Variants in ATP10D observed in about 807,000 individuals in gnomAD.
The protein encoded by ATP10D is phospholipid-transporting ATPase VD.
A neutral mutation model predicts 144.8 loss-of-function variants in ATP10D; 89 were observed. The observed-to-expected ratio is 0.61, with a 90% CI of 0.52 to 0.73. The LOEUF is 0.73. Ranked by LOEUF, ATP10D falls within the 30% of genes least tolerant of loss-of-function variation. The pLI is 0.00. For synonymous variants in ATP10D, 571 were observed against 615.1 expected (o/e 0.93, Z 1.06); for missense variants, 1,603 against 1,714.8 (o/e 0.93, Z 1.15).
chr4:47,566,938 T>C (rs1429158221), intron 15 of ATP10D, among the ~76,000 whole-genome samples: 2 of 152,202 alleles, frequency 1.3e-5, no homozygotes, highest in Non-Finnish European at 2.9e-5. Context: ...CACAGCCTTT[T>C]TTGCTTGGAA....
intron 9 of ATP10D, among the ~76,000 whole-genome samples, chr4:47,537,220 T>A (rs899967463): frequency 7.9e-5 from 12 of 152,170 alleles, no homozygotes; most frequent in Non-Finnish European, 2.9e-5. Context: ...CTATAAATAC[T>A]TTCGAAAAGC....
chr4:47,488,903 G>A (rs1714921803), intron 1 of ATP10D, among the ~76,000 whole-genome samples: 1 of 152,214 alleles, frequency 6.6e-6, no homozygotes, highest in African/African-American at 2.4e-5. Flanking sequence ...GATGCAGTGA[G>A]AAGGTGCCAC....
At chr4:47,533,768 G>C in intron 5 of ATP10D, among the ~76,000 whole-genome samples, 1 of 152,026 alleles carries the variant, frequency 6.6e-6, no homozygotes, top group Non-Finnish European at 1.5e-5. Context: ...AAAGTATAAC[G>C]AACACCCATG....
At chr4:47,535,870 A>G (rs929349693) in intron 6 of ATP10D, 32 bp from the exon 7 acceptor site, 8 of 1,589,718 alleles carry the variant, frequency 5.0e-6, no homozygotes, top group East Asian at 2.2e-5. Flanking sequence ...TTTAATTTGT[A>G]CATTTTCTAT....
chr4:47,562,541 A>G (rs1018063093), intron 14 of ATP10D, among the ~76,000 whole-genome samples: 7 of 152,228 alleles, frequency 4.6e-5, no homozygotes, highest in Admixed American at 2.6e-4. Flanking sequence ...TCAGAAGACA[A>G]CAGATGTTGG....
chr4:47,514,715 G>A (rs1016785476), intron 2 of ATP10D, among the ~76,000 whole-genome samples: 7 of 152,080 alleles, frequency 4.6e-5, no homozygotes, highest in Admixed American at 6.5e-5. Flanking sequence ...TTAGTCACAA[G>A]AGAAAAGAAA....
chr4:47,500,251 G>T (rs370221676), intron 1 of ATP10D, among the ~76,000 whole-genome samples: 6 of 152,142 alleles, frequency 3.9e-5, no homozygotes, highest in African/African-American at 1.4e-4. Flanking sequence ...AAATACCAAA[G>T]TAAATTATGC....
chr4:47,486,149 T>A (rs1714747873), intron 1 of ATP10D, among the ~76,000 whole-genome samples: 1 of 152,178 alleles, frequency 6.6e-6, no homozygotes, highest in African/African-American at 2.4e-5. Context: ...AGAACCTAGT[T>A]GTTATTCGGG....
chr4:47,586,514 A>C (rs1257479707), intron 21 of ATP10D, among the ~76,000 whole-genome samples: 8 of 152,194 alleles, frequency 5.3e-5, no homozygotes, highest in Non-Finnish European at 1.0e-4. Flanking sequence ...ACATTTTATT[A>C]GTCAAAGCAA....
chr4:47,581,883 T>G, intron 20 of ATP10D, 77 bp from the exon 21 acceptor site: 8 of 1,149,290 alleles, frequency 7.0e-6, no homozygotes, highest in South Asian at 1.3e-5. Flanking sequence ...AAGCCTTGGT[T>G]GAGCTGTAGA....
intron 14 of ATP10D, among the ~76,000 whole-genome samples, chr4:47,561,669 C>T (rs1260145690): frequency 6.6e-6 from 1 of 152,172 alleles, no homozygotes; most frequent in Non-Finnish European, 1.5e-5. Flanking sequence ...CAACTGACCC[C>T]TCTTGTCTTG....
chr4:47,513,372 T>C (rs747831132), intron 2 of ATP10D, among the ~76,000 whole-genome samples: 16 of 152,194 alleles, frequency 1.1e-4, no homozygotes, highest in Non-Finnish European at 2.1e-4. Flanking sequence ...TTGTGGAGTT[T>C]GCAGTTGTGC....
At chr4:47,537,273 T>C (rs1217811298) in intron 9 of ATP10D, among the ~76,000 whole-genome samples, 1 of 152,164 alleles carries the variant, frequency 6.6e-6, no homozygotes, top group Admixed American at 6.6e-5. Flanking sequence ...ATTTTGGAAA[T>C]AATTCCAAAG....
At position 47,593,409 on chromosome 4, in the gene ATP10D, T is replaced by G. The variant is rs1402371008; in HGVS notation, c.*2028T>G. The stretch of plus-strand genomic sequence containing the variant: ...CTTTGCTACAAAAATATTAATATAT[T>G]TCATTACTGAATGCTAAACTGTATT... On this transcript the variant is annotated 3_prime_UTR_variant, in exon 23 of 23. Coordinates refer to ENST00000273859, the MANE Select transcript of ATP10D (RefSeq NM_020453.4). 4 of 152,152 alleles carry G rather than the reference T, an allele frequency of 2.6e-5. No individual in the cohort carries two copies. The highest frequency in any genetic ancestry group is 5.9e-5 in the Non-Finnish European group (4 of 67,992). 9.4% of individuals were successfully genotyped at this position (152,152 alleles called of 1,614,324 possible). A position where few individuals can be genotyped will look rare whatever the true frequency, so the allele number is the denominator to read the frequency against.
rs540994417 is a variant in ATP10D at position 47,551,691 on chromosome 4, A to G, written c.1636-3035A>G. ...TTCTCTGGGGAGAGATTCCATACCT[A>G]TGTAAGGAATTATTTAAAGCAAGAT... On this transcript the variant is annotated intron_variant, in intron 10 of 22. Transcript: ENST00000273859. Among the ~76,000 whole-genome samples the G allele has an allele frequency of 1.8e-4, 28 of 152,296 alleles. 1 individual carries two copies. The East Asian group carries it at 4.6e-3, about 25-fold the overall frequency.
intron 10 of ATP10D, 83 bp downstream of exon 10, chr4:47,546,945 C>T: frequency 2.3e-6 from 3 of 1,331,178 alleles, no homozygotes; most frequent in South Asian, 1.2e-5. Flanking sequence ...TAGAGTCAAA[C>T]TCTGTTGTCT....
chr4:47,590,124 C>G (rs1162277706), intron 22 of ATP10D, among the ~76,000 whole-genome samples: 2 of 152,040 alleles, frequency 1.3e-5, no homozygotes, highest in Non-Finnish European at 2.9e-5. Flanking sequence ...CAAATACTGG[C>G]AGAAAAATTA....
chr4:47,572,928 T>G lies in ATP10D; in HGVS notation c.3297T>G (p.Leu1099=). 1 of 1,614,098 alleles carries G rather than the reference T, an allele frequency of 6.2e-7. No homozygotes were observed. Among genetic ancestry groups the G allele is most frequent in the African/African-American group, 1.3e-5 (1 of 75,020 alleles). Reference sequence around the variant, plus strand: ...AGTTCAAACATCTCAGCAAGCTCCTTCTTGTCCATGGACACTGGTGTTATA... The same window carrying G: ...AGTTCAAACATCTCAGCAAGCTCCTGCTTGTCCATGGACACTGGTGTTATA... ...VSQFKHLSKL[L]LVHGHWCYTR... Residue 1099 remains leucine (L), a synonymous_variant, in exon 18 of 23, where the codon CTT becomes CTG. Transcript: ENST00000273859.
intron 3 of ATP10D, among the ~76,000 whole-genome samples, chr4:47,516,973 A>G (rs1716722178): frequency 1.3e-5 from 2 of 152,244 alleles, no homozygotes; most frequent in African/African-American, 4.8e-5. Context: ...GCCTCAAAAA[A>G]TAGCTATAAG....
Sources: allele counts gnomAD v4.1 joint callset (sites outside exome capture counted in the v4.1 genomes callset), GRCh38; gene constraint gnomAD v4.1.1; transcripts MANE v1.5; gene names NCBI Gene and HGNC (gene_info 2026-07-23, HGNC 2026-07-21).